LRRTM4: variants seen among roughly 807,000 people sequenced by gnomAD.
The protein encoded by LRRTM4 is leucine-rich repeat transmembrane neuronal protein 4.
LRRTM4 carries 25 observed loss-of-function variants against 47.6 expected under a neutral mutation model. The observed-to-expected ratio is 0.53, with a 90% CI of 0.38 to 0.73. The LOEUF is 0.73. Among genes scored for constraint, LRRTM4 ranks in the 30% least tolerant of loss-of-function variants. The pLI is 0.00. For missense variants in LRRTM4, 638 were observed against 713.4 expected (o/e 0.89, Z 1.20); for synonymous variants, 311 against 269.5 (o/e 1.15, Z -1.51).
At chr2:77,313,904 A>G (rs1398911265) in intron 3 of LRRTM4, among the ~76,000 whole-genome samples, 1 of 152,224 alleles carries the variant, frequency 6.6e-6, no homozygotes, top group Non-Finnish European at 1.5e-5. Context: ...TTTTCCTTAA[A>G]CAAAAATCTG....
At chr2:77,180,612 T>G (rs1673321344) in intron 3 of LRRTM4, among the ~76,000 whole-genome samples, 1 of 152,200 alleles carries the variant, frequency 6.6e-6, no homozygotes, top group Admixed American at 6.6e-5. Context: ...TTTCCTTTCC[T>G]TAGAGAGTTT....
intron 3 of LRRTM4, among the ~76,000 whole-genome samples, chr2:77,184,365 C>T (rs1056878789): frequency 1.3e-5 from 2 of 152,054 alleles, no homozygotes; most frequent in African/African-American, 2.4e-5. Context: ...GAAGTGGCAG[C>T]AACTAGGCTC....
chr2:76,955,962 TTAC>T (rs1406945707), intron 3 of LRRTM4, among the ~76,000 whole-genome samples: 1 of 151,536 alleles, frequency 6.6e-6, no homozygotes, highest in East Asian at 1.9e-4. Flanking sequence ...AAGTAAATTA[TTAC>T]TATCAGTAAT....
intron 3 of LRRTM4, among the ~76,000 whole-genome samples, chr2:77,073,203 G>A (rs987885616): frequency 6.6e-6 from 1 of 151,344 alleles, no homozygotes; most frequent in African/African-American, 2.4e-5. Flanking sequence ...GTATGTTATA[G>A]TTTACATATT....
chr2:77,365,845 C>T (rs1419947484), intron 3 of LRRTM4, among the ~76,000 whole-genome samples: 1 of 149,540 alleles, frequency 6.7e-6, no homozygotes, highest in Non-Finnish European at 1.5e-5. Context: ...CTAGGAGAAG[C>T]CAAAATACAA....
At chr2:76,943,088 C>G (rs1675205753) in intron 3 of LRRTM4, among the ~76,000 whole-genome samples, 1 of 152,120 alleles carries the variant, frequency 6.6e-6, no homozygotes, top group Admixed American at 6.5e-5. Flanking sequence ...AACTCTACAT[C>G]GTAGTTTTTA....
At chr2:77,466,979 T>C (rs1677006161) in intron 3 of LRRTM4, among the ~76,000 whole-genome samples, 1 of 152,094 alleles carries the variant, frequency 6.6e-6, no homozygotes, top group African/African-American at 2.4e-5. Flanking sequence ...ATTGCAAACG[T>C]GAGCCACCGT....
chr2:77,215,420 T>C (rs1416188108), intron 3 of LRRTM4, among the ~76,000 whole-genome samples: 2 of 152,232 alleles, frequency 1.3e-5, no homozygotes, highest in Admixed American at 6.5e-5. Flanking sequence ...TGGACACTTG[T>C]ATGCCTAGAT....
chr2:77,507,550 G>A (rs1359159933), intron 3 of LRRTM4, among the ~76,000 whole-genome samples: 3 of 152,110 alleles, frequency 2.0e-5, no homozygotes, highest in African/African-American at 4.8e-5. Flanking sequence ...TATGATTTGC[G>A]AAAGTTAAAA....
intron 3 of LRRTM4, among the ~76,000 whole-genome samples, chr2:76,788,583 G>A (rs984169611): frequency 6.6e-6 from 1 of 152,292 alleles, no homozygotes; most frequent in African/African-American, 2.4e-5. Context: ...TTCAGAATAA[G>A]TGCAAGGAAG....
At chr2:76,801,375 G>T (rs1675670721) in intron 3 of LRRTM4, among the ~76,000 whole-genome samples, 1 of 152,052 alleles carries the variant, frequency 6.6e-6, no homozygotes, top group African/African-American at 2.4e-5. Flanking sequence ...GGACATGGAT[G>T]AAATTGGAAA....
intron 3 of LRRTM4, among the ~76,000 whole-genome samples, chr2:76,801,731 T>G (rs1675698745): frequency 6.6e-6 from 1 of 151,574 alleles, no homozygotes; most frequent in Non-Finnish European, 1.5e-5. Context: ...CAGCAAAATA[T>G]CAGCAAACTA....
intron 3 of LRRTM4, among the ~76,000 whole-genome samples, chr2:76,895,661 A>G (rs1673388893): frequency 6.6e-6 from 1 of 152,040 alleles, no homozygotes. Context: ...AGGTTGCGCA[A>G]CTAAGACAAC....
At chr2:77,067,383 G>A (rs1679990386) in intron 3 of LRRTM4, among the ~76,000 whole-genome samples, 1 of 151,922 alleles carries the variant, frequency 6.6e-6, no homozygotes, top group South Asian at 2.1e-4. Context: ...AATAAAACCT[G>A]GCACTAAGCT....
At chr2:77,084,068 G>A (rs752387467) in intron 3 of LRRTM4, among the ~76,000 whole-genome samples, 2 of 151,950 alleles carry the variant, frequency 1.3e-5, no homozygotes, top group African/African-American at 2.4e-5. Context: ...GCCTCCCAAA[G>A]TGCTGGGATT....
chr2:77,371,213 A>G (rs764498028), intron 3 of LRRTM4, among the ~76,000 whole-genome samples: 1 of 151,776 alleles, frequency 6.6e-6, no homozygotes, highest in South Asian at 2.1e-4. Flanking sequence ...TTCTTACTAC[A>G]TATCAGGAAA....
intron 3 of LRRTM4, among the ~76,000 whole-genome samples, chr2:77,042,235 G>T (rs1396253978): frequency 6.6e-6 from 1 of 151,214 alleles, no homozygotes; most frequent in Non-Finnish European, 1.5e-5. Flanking sequence ...ATATTTAGGG[G>T]TAAGTGGACA....
intron 3 of LRRTM4, among the ~76,000 whole-genome samples, chr2:77,073,477 G>T (rs1308360692): frequency 1.3e-5 from 2 of 151,604 alleles, no homozygotes; most frequent in Admixed American, 1.3e-4. Flanking sequence ...TCCATTATTT[G>T]TTTTTTCTAT....
At chr2:77,078,374 ACACACC>A (rs930324681) in intron 3 of LRRTM4, among the ~76,000 whole-genome samples, 2 of 110,298 alleles carry the variant, frequency 1.8e-5, no homozygotes, top group Admixed American at 1.9e-4. Flanking sequence ...TCTATTACAC[ACACACC>A]CACACACACA....
Sources: allele counts gnomAD v4.1 joint callset (sites outside exome capture counted in the v4.1 genomes callset), GRCh38; gene constraint gnomAD v4.1.1; transcripts MANE v1.5; gene names NCBI Gene and HGNC (gene_info 2026-07-23, HGNC 2026-07-21).